EDIL3: variants seen among roughly 807,000 people sequenced by gnomAD.
The protein encoded by EDIL3 is EGF-like repeat and discoidin I-like domain-containing protein 3.
Under a neutral mutation model 67.4 loss-of-function variants are expected in EDIL3, and 37 were observed. The ratio of observed to expected loss-of-function variants is 0.55; its 90% CI spans 0.42 to 0.72. The LOEUF (loss-of-function observed/expected upper bound fraction) is 0.72, where lower values mean the gene tolerates loss of function less well. EDIL3 is among the 30% of genes least tolerant of loss of function. The probability of loss-of-function intolerance (pLI) is 0.00; values close to 1 mark genes in which losing one functional copy is unlikely to be tolerated. For missense variants in EDIL3, 527 were observed against 586.3 expected, an observed-to-expected ratio of 0.90 and a Z score of 1.04; for synonymous variants, 195 against 196.3, an observed-to-expected ratio of 0.99 and a Z score of 0.05.
intron 1 of EDIL3, among the ~76,000 whole-genome samples, chr5:84,337,017 C>A (rs1281576262): frequency 6.6e-6 from 1 of 152,056 alleles, no homozygotes; most frequent in African/African-American, 2.4e-5. Context: ...TAGAGTTGCA[C>A]AAGTTGTTCA....
At chr5:84,171,215 TA>T (rs1233709585) in intron 4 of EDIL3, among the ~76,000 whole-genome samples, 4 of 152,234 alleles carry the variant, frequency 2.6e-5, no homozygotes, top group East Asian at 1.9e-4. Context: ...GCAATCATAT[TA>T]AAAAAATAAA....
intron 6 of EDIL3, among the ~76,000 whole-genome samples, chr5:84,077,904 A>T (rs1156236250): frequency 1.3e-5 from 2 of 151,964 alleles, no homozygotes; most frequent in African/African-American, 4.8e-5. Flanking sequence ...AGAGATGAGG[A>T]AATCAATAGA....
intron 2 of EDIL3, among the ~76,000 whole-genome samples, chr5:84,246,738 C>T (rs889516008): frequency 1.1e-4 from 17 of 151,822 alleles, no homozygotes; most frequent in Non-Finnish European, 1.5e-4. Context: ...TGATGTTATA[C>T]ATTTTTTTCT....
chr5:84,153,647 G>C (rs759611387), intron 4 of EDIL3, among the ~76,000 whole-genome samples: 12 of 152,168 alleles, frequency 7.9e-5, no homozygotes, highest in African/African-American at 2.9e-4. Flanking sequence ...ATTTTTAGTA[G>C]AGATGGGATT....
chr5:83,943,573 T>C lies in EDIL3; in HGVS notation c.1294-5A>G. The C allele has an allele frequency of 6.2e-7, 1 of 1,611,764 alleles. No individual in the cohort carries two copies. Among genetic ancestry groups the C allele is most frequent in the Non-Finnish European group, 8.5e-7 (1 of 1,178,646 alleles). On this transcript the variant is annotated splice_region_variant and splice_polypyrimidine_tract_variant and intron_variant, in intron 10 of 10. Transcript: ENST00000296591. Reference sequence around the variant, plus strand: ...GTCAAAATTTCCCTGGAAAACCTAATAAAGAAGAGCAGAAAAATGTCAGTC... The same window carrying C: ...GTCAAAATTTCCCTGGAAAACCTAACAAAGAAGAGCAGAAAAATGTCAGTC...
intron 10 of EDIL3, among the ~76,000 whole-genome samples, chr5:83,958,552 A>C (rs1489526161): frequency 1.3e-5 from 2 of 151,504 alleles, no homozygotes; most frequent in African/African-American, 4.8e-5. Context: ...AGGGAGATGA[A>C]ATAGAGTATT....
intron 3 of EDIL3, among the ~76,000 whole-genome samples, chr5:84,197,676 A>G (rs527619809): frequency 1.1e-4 from 16 of 151,904 alleles, no homozygotes; most frequent in Admixed American, 3.3e-4. Flanking sequence ...AAAAGCAAAC[A>G]AACAAAAAAA....
intron 9 of EDIL3, among the ~76,000 whole-genome samples, chr5:84,038,557 G>A (rs556640594): frequency 6.6e-6 from 1 of 152,312 alleles, no homozygotes; most frequent in Admixed American, 6.5e-5. Context: ...CAAATACCTT[G>A]TTAGACCAGG....
chr5:84,087,705 T>A (rs532162024), intron 6 of EDIL3, among the ~76,000 whole-genome samples: 3 of 152,272 alleles, frequency 2.0e-5, no homozygotes, highest in Admixed American at 6.5e-5. Context: ...AACAATATCT[T>A]ACATAGTCTA....
At chr5:84,285,162 C>CA (rs1745785647) in intron 1 of EDIL3, among the ~76,000 whole-genome samples, 1 of 151,930 alleles carries the variant, frequency 6.6e-6, no homozygotes, top group Non-Finnish European at 1.5e-5. Flanking sequence ...TTTTAAGTGT[C>CA]AAAAAAATCA....
intron 1 of EDIL3, among the ~76,000 whole-genome samples, chr5:84,265,331 T>C (rs1024308923): frequency 1.3e-5 from 2 of 152,212 alleles, no homozygotes; most frequent in South Asian, 2.1e-4. Context: ...AGTCACCTCA[T>C]TGCATAACAT....
chr5:83,963,591 C>A lies in EDIL3; in HGVS notation c.1138-231G>T, dbSNP rs139152069. The stretch of plus-strand genomic sequence containing the variant: ...ACAACCATTTTTACCATTTTGAAGT[C>A]AAATCATGGTGATTTCAGTCCACCA... On this transcript the variant is annotated intron_variant, in intron 9 of 10. Coordinates refer to ENST00000296591, the MANE Select transcript of EDIL3 (RefSeq NM_005711.5). Among the ~76,000 whole-genome samples, 446 of 150,498 alleles carry A rather than the reference C, an allele frequency of 3.0e-3. 1 individual carries two copies. Among genetic ancestry groups the A allele is most frequent in the African/African-American group, 1.0e-2 (410 of 41,142 alleles).
intron 9 of EDIL3, among the ~76,000 whole-genome samples, chr5:84,042,880 T>C (rs1231290981): frequency 2.0e-5 from 3 of 152,226 alleles, no homozygotes; most frequent in Non-Finnish European, 4.4e-5. Context: ...AATATCCTAA[T>C]ATGTATTCTA....
At chr5:83,992,784 T>C (rs1050027846) in intron 9 of EDIL3, among the ~76,000 whole-genome samples, 5 of 152,074 alleles carry the variant, frequency 3.3e-5, no homozygotes, top group African/African-American at 1.2e-4. Flanking sequence ...AATATCATTG[T>C]AAACTAGTAT....
intron 9 of EDIL3, among the ~76,000 whole-genome samples, chr5:84,058,305 G>A (rs906666940): frequency 6.6e-6 from 1 of 151,944 alleles, no homozygotes; most frequent in African/African-American, 2.4e-5. Flanking sequence ...GTAATGAAGG[G>A]TTTTAAACAG....
chr5:84,109,808 T>C (rs976439187), intron 5 of EDIL3, among the ~76,000 whole-genome samples: 1 of 152,162 alleles, frequency 6.6e-6, no homozygotes, highest in Non-Finnish European at 1.5e-5. Context: ...ATGGGGATTC[T>C]TGAATGAAGT....
At chr5:84,191,835 G>A (rs1039148929) in intron 3 of EDIL3, among the ~76,000 whole-genome samples, 4 of 151,836 alleles carry the variant, frequency 2.6e-5, no homozygotes, top group African/African-American at 7.3e-5. Flanking sequence ...GGTGAATATG[G>A]TACAAAGGAG....
intron 1 of EDIL3, among the ~76,000 whole-genome samples, chr5:84,339,401 C>T (rs1006936558): frequency 5.9e-5 from 9 of 152,086 alleles, no homozygotes; most frequent in African/African-American, 2.2e-4. Context: ...AATATACTTA[C>T]TTTTATCTCC....
intron 1 of EDIL3, among the ~76,000 whole-genome samples, chr5:84,266,561 C>T (rs1745352665): frequency 6.6e-6 from 1 of 152,194 alleles, no homozygotes; most frequent in African/African-American, 2.4e-5. Context: ...TTGGGGAACT[C>T]CTATCCCAGG....
Sources: allele counts gnomAD v4.1 joint callset (sites outside exome capture counted in the v4.1 genomes callset), GRCh38; gene constraint gnomAD v4.1.1; transcripts MANE v1.5; gene names NCBI Gene and HGNC (gene_info 2026-07-23, HGNC 2026-07-21).